Variants in PSMD1 observed in about 807,000 individuals in gnomAD.
The protein encoded by PSMD1 is proteasome 26S subunit, non-ATPase 1.
In PSMD1, 18 loss-of-function variants were observed where a neutral mutation model predicts 119.0. That is an observed-to-expected ratio of 0.15 (90% CI 0.10 to 0.22). The LOEUF (loss-of-function observed/expected upper bound fraction) is 0.22, where lower values mean the gene tolerates loss of function less well. PSMD1 is among the 10% of genes least tolerant of loss of function. The pLI is 1.00. For synonymous variants in PSMD1, 374 were observed against 396.6 expected, an observed-to-expected ratio of 0.94 and a Z score of 0.68; for missense variants, 702 against 1,158.5, an observed-to-expected ratio of 0.61 and a Z score of 5.72.
At chr2:231,132,896 C>CAA (rs969833008) in intron 16 of PSMD1, among the ~76,000 whole-genome samples, 8 of 152,006 alleles carry the variant, frequency 5.3e-5, no homozygotes, top group African/African-American at 1.9e-4. Context: ...CTTGACTTGG[C>CAA]GGCAGATTAT....
At chr2:231,126,355 T>C (rs1436631473) in intron 16 of PSMD1, among the ~76,000 whole-genome samples, 1 of 151,948 alleles carries the variant, frequency 6.6e-6, no homozygotes, top group Admixed American at 6.6e-5. Context: ...GAGGATTGCA[T>C]GAACCTGGGG....
At position 231,077,157 on chromosome 2, in the gene PSMD1, A is replaced by G. The variant is rs1694187490; in HGVS notation, c.1066A>G (p.Thr356Ala). Residue 356 changes from threonine (T) to alanine (A), a missense_variant, in exon 9 of 25, where the codon ACA (threonine) becomes GCA (alanine). Thr to Ala is a moderately conservative substitution (Grantham distance 58). Transcript: ENST00000308696. ...NNTDLMILKN[T>A]KDAVRNSVCH... is the part of the protein sequence containing the mutation. ...TACAGACCTCATGATTCTAAAAAAC[A>G]CAAAGGTAAGAAATTCATCAATAAT... is the stretch of plus-strand genomic sequence containing the variant. The G allele has an allele frequency of 6.6e-7, 1 of 1,520,416 alleles. No individual in the cohort carries two copies. Among genetic ancestry groups the G allele is most frequent in the Non-Finnish European group, 8.9e-7 (1 of 1,128,198 alleles). 94.2% of individuals were successfully genotyped at this position (1,520,416 alleles called of 1,614,324 possible).
chr2:231,166,817 GC>G (rs571903915), intron 23 of PSMD1, among the ~76,000 whole-genome samples: 201 of 152,226 alleles, frequency 1.3e-3, no homozygotes, highest in African/African-American at 4.6e-3. Context: ...TGGGTCAAAG[GC>G]AACTCCTATC....
chr2:231,091,788 A>G (rs1273848469), intron 16 of PSMD1, among the ~76,000 whole-genome samples: 1 of 152,056 alleles, frequency 6.6e-6, no homozygotes, highest in Non-Finnish European at 1.5e-5. Context: ...TTAAATTATC[A>G]TATAAGGTTC....
Position 231,147,670 on chromosome 2 carries a change from G to A in PSMD1, c.2115+1314G>A, listed in dbSNP as rs374362935. Among the ~76,000 whole-genome samples the A allele has an allele frequency of 3.7e-4, 57 of 152,200 alleles. 2 individuals are homozygous for A. The East Asian group carries it at 4.6e-3, about 12-fold the overall frequency. ...AAAATTAGCATTGATATACTAAATA[G>A]ACACGTGTAGCTTACACAACAATTT... On this transcript the variant is annotated intron_variant, in intron 18 of 24. Coordinates refer to ENST00000308696, the MANE Select transcript of PSMD1 (RefSeq NM_002807.4).
At position 231,142,023 on chromosome 2, in the gene PSMD1, C is replaced by T. The variant is rs1696132083; in HGVS notation, c.1998+3173C>T. ...TCAGCTTCCTGAGTAGCTGGGATTA[C>T]AGGCATGTGCCACCACACCCGGCTA... On this transcript the variant is annotated intron_variant, in intron 17 of 24. Transcript: ENST00000308696. Among the ~76,000 whole-genome samples, 3 of 152,074 alleles carry T rather than the reference C, an allele frequency of 2.0e-5. No individual in the cohort carries two copies. The South Asian group carries it at 6.2e-4, about 31-fold the overall frequency.
chr2:231,143,920 T>C (rs1162341513), intron 17 of PSMD1, among the ~76,000 whole-genome samples: 2 of 152,254 alleles, frequency 1.3e-5, no homozygotes, highest in Non-Finnish European at 2.9e-5. Context: ...AATTCTAGTC[T>C]ATGATTTCAT....
In PSMD1 at chr2:231,142,510, C is replaced by T. The variant is rs138566106; in HGVS notation, c.1998+3660C>T. Among the ~76,000 whole-genome samples the T allele has an allele frequency of 5.1e-4, 77 of 152,190 alleles. No individual in the cohort carries two copies. In the East Asian group the frequency reaches 0.015, roughly 29 times the overall value. ...ATCTAGGAGCAAATGTTCTTTGAAACACAGCATCTGACAAGTTAATTGAAT... is the reference window on the plus strand; with the variant it reads ...ATCTAGGAGCAAATGTTCTTTGAAATACAGCATCTGACAAGTTAATTGAAT... On this transcript the variant is annotated intron_variant, in intron 17 of 24. Coordinates refer to ENST00000308696, the MANE Select transcript of PSMD1 (RefSeq NM_002807.4).
chr2:231,123,444 C>T (rs1040788564), intron 16 of PSMD1: 3 of 1,613,822 alleles, frequency 1.9e-6, no homozygotes, highest in Non-Finnish European at 2.5e-6. Flanking sequence ...CAATTGGCAT[C>T]ACAAACAATC....
chr2:231,171,211 T>C (rs1180692666), intron 24 of PSMD1, among the ~76,000 whole-genome samples: 1 of 152,208 alleles, frequency 6.6e-6, no homozygotes, highest in Non-Finnish European at 1.5e-5. Context: ...CCCATCTCCT[T>C]CGACAGTATT....
intron 17 of PSMD1, among the ~76,000 whole-genome samples, chr2:231,145,440 C>T (rs1300807266): frequency 6.6e-6 from 1 of 152,102 alleles, no homozygotes; most frequent in African/African-American, 2.4e-5. Context: ...AATGTGAGGG[C>T]GTACGACACT....
chr2:231,085,027 T>C lies in PSMD1; in HGVS notation c.1731T>C (p.Ile577=), dbSNP rs145132698. The change falls in exon 15 of 25, where the codon ATT becomes ATC. Residue 577 remains isoleucine (I), a synonymous_variant. Coordinates refer to ENST00000308696, the MANE Select transcript of PSMD1 (RefSeq NM_002807.4). ...IESLCRDKDP[I]LRRSGMYTVA... is the part of the protein sequence containing the mutation. Reference sequence around the variant, plus strand: ...TAAATTATTTTTCTTAGGACCCAATTCTTCGAAGGTCTGGAATGTATACTG... The same window carrying C: ...TAAATTATTTTTCTTAGGACCCAATCCTTCGAAGGTCTGGAATGTATACTG... The C allele has an allele frequency of 8.2e-5, 132 of 1,613,074 alleles. 2 individuals carry two copies. Among genetic ancestry groups the C allele is most frequent in the Admixed American group, 5.0e-5 (3 of 59,990 alleles).
At position 231,118,024 on chromosome 2, in the gene PSMD1, A is replaced by G. The variant is rs559620298; in HGVS notation, c.1884-20712A>G. On this transcript the variant is annotated intron_variant, in intron 16 of 24. Coordinates refer to ENST00000308696, the MANE Select transcript of PSMD1 (RefSeq NM_002807.4). ...TAAAGGTTAAGAGTGTGAATTCTAG[A>G]ATCAGTCCTCCTGGGTTTAAATCAT... Among the ~76,000 whole-genome samples the G allele has an allele frequency of 4.6e-5, 7 of 152,180 alleles. No homozygotes were observed. The East Asian group carries it at 1.3e-3, about 29-fold the overall frequency.
chr2:231,092,777 A>G (rs1312142461), intron 16 of PSMD1, among the ~76,000 whole-genome samples: 4 of 152,172 alleles, frequency 2.6e-5, no homozygotes, highest in African/African-American at 7.2e-5. Flanking sequence ...TTTCCTGGCT[A>G]TGTTCTTTAG....
At chr2:231,131,983 G>A (rs1301035033) in intron 16 of PSMD1, among the ~76,000 whole-genome samples, 2 of 152,124 alleles carry the variant, frequency 1.3e-5, no homozygotes, top group African/African-American at 2.4e-5. Context: ...TTGAGACACT[G>A]TCAGGTTTTT....
chr2:231,067,564 G>A (rs546183269), intron 5 of PSMD1, among the ~76,000 whole-genome samples: 6 of 152,272 alleles, frequency 3.9e-5, no homozygotes, highest in Admixed American at 1.3e-4. Context: ...CTTTCCATGA[G>A]CTAGCTCTCT....
intron 21 of PSMD1, among the ~76,000 whole-genome samples, chr2:231,164,785 G>A (rs748776212): frequency 2.0e-5 from 3 of 151,672 alleles, no homozygotes; most frequent in Non-Finnish European, 4.4e-5. Flanking sequence ...TACAACCAGC[G>A]CTGAAGGAAA....
Position 231,075,522 on chromosome 2 carries a change from A to C in PSMD1, c.893A>C (p.Glu298Ala). The C allele has an allele frequency of 1.2e-6, 2 of 1,612,914 alleles. No homozygotes were observed. The highest frequency in any genetic ancestry group is 1.7e-6 in the Non-Finnish European group (2 of 1,179,536). ...TCTTTTCATTTCAGTGACTCGATGG[A>C]AACAGAAGAAAAGACAAGCAGTGCA... Reference protein sequence around the residue: ...PGSEKDSDSMETEEKTSSAFV... With the variant: ...PGSEKDSDSMATEEKTSSAFV... Residue 298 changes from glutamate to alanine, a missense_variant, in exon 8 of 25, where the codon GAA (glutamate) becomes GCA (alanine). Physicochemically the swap from Glu to Ala is moderately radical, Grantham distance 107. Coordinates refer to ENST00000308696, the MANE Select transcript of PSMD1 (RefSeq NM_002807.4).
chr2:231,094,125 A>AT (rs1694667690), intron 16 of PSMD1, among the ~76,000 whole-genome samples: 1 of 152,034 alleles, frequency 6.6e-6, no homozygotes, highest in South Asian at 2.1e-4. Flanking sequence ...TCTAGGGTTA[A>AT]CACCTGTTGG....
Sources: gnomAD v4.1 joint callset for allele counts (sites outside exome capture counted in the v4.1 genomes callset) on GRCh38, gnomAD v4.1.1 for gene constraint, MANE v1.5 for transcripts, NCBI Gene and HGNC (gene_info 2026-07-23, HGNC 2026-07-21) for gene names.